The following PPARGC1A variants were observed in gnomAD, a reference collection of about 807,000 sequenced individuals.
The protein encoded by PPARGC1A is PPARG coactivator 1 alpha, also known as peroxisome proliferator-activated receptor gamma coactivator 1-alpha.
Under a neutral mutation model 88.7 loss-of-function variants are expected in PPARGC1A, and 25 were observed. The observed-to-expected ratio is 0.28, with a 90% CI of 0.21 to 0.39. The LOEUF is 0.39. Among genes scored for constraint, PPARGC1A ranks in the 10% least tolerant of loss-of-function variants. PPARGC1A has a pLI of 1.00. For missense variants in PPARGC1A, 880 were observed against 968.7 expected (o/e 0.91, Z 1.22); for synonymous variants, 363 against 355.6 (o/e 1.02, Z -0.24).
the PPARGC1A span, among the ~76,000 whole-genome samples, chr4:24,398,272 C>G: frequency 1.2e-4 from 18 of 152,092 alleles, no homozygotes; most frequent in African/African-American, 4.1e-4. Context: ...CACAGAAATA[C>G]TTTATATGTA....
chr4:24,260,704 C>T, the PPARGC1A span, among the ~76,000 whole-genome samples: 2 of 151,840 alleles, frequency 1.3e-5, no homozygotes, highest in Non-Finnish European at 1.5e-5. Flanking sequence ...TGGTTCCTCA[C>T]CCCCTACAAC....
chr4:24,252,625 A>G, the PPARGC1A span, among the ~76,000 whole-genome samples: 295 of 152,300 alleles, frequency 1.9e-3, 2 homozygotes, highest in African/African-American at 6.8e-3. Context: ...AGCTATTCCA[A>G]TGGAATATGA....
chr4:23,913,267 T>TATATAGAG, the PPARGC1A span, among the ~76,000 whole-genome samples: 2 of 77,532 alleles, frequency 2.6e-5, no homozygotes, highest in African/African-American at 1.1e-4. Flanking sequence ...TATATATATA[T>TATATAGAG]AGAGAGAGAG....
At chr4:24,456,446 G>A in the PPARGC1A span, among the ~76,000 whole-genome samples, 3 of 152,130 alleles carry the variant, frequency 2.0e-5, no homozygotes, top group Non-Finnish European at 2.9e-5. Flanking sequence ...AACAGTGAGT[G>A]AGCTTGATAT....
chr4:24,444,230 G>A, the PPARGC1A span, among the ~76,000 whole-genome samples: 18 of 151,798 alleles, frequency 1.2e-4, no homozygotes, highest in African/African-American at 3.9e-4. Flanking sequence ...ACAGGGTTTC[G>A]CCACATTGGC....
At chr4:24,450,087 C>G in the PPARGC1A span, among the ~76,000 whole-genome samples, 1 of 152,178 alleles carries the variant, frequency 6.6e-6, no homozygotes, top group Non-Finnish European at 1.5e-5. Flanking sequence ...TTGAAACTTA[C>G]CCCATCACCA....
At chr4:23,927,388 T>C in the PPARGC1A span, among the ~76,000 whole-genome samples, 1 of 152,180 alleles carries the variant, frequency 6.6e-6, no homozygotes, top group Non-Finnish European at 1.5e-5. Flanking sequence ...GCCAGTAAAA[T>C]AAAAGCCTCC....
At chr4:24,098,780 C>A in the PPARGC1A span, among the ~76,000 whole-genome samples, 1 of 152,292 alleles carries the variant, frequency 6.6e-6, no homozygotes, top group African/African-American at 2.4e-5. Context: ...TAATGGAAAT[C>A]AGATGACTTC....
the PPARGC1A span, among the ~76,000 whole-genome samples, chr4:24,472,641 G>C: frequency 4.6e-5 from 7 of 152,138 alleles, no homozygotes; most frequent in Non-Finnish European, 1.5e-5. This position sits in a 1 kb window ranked among gnomAD's most constrained non-coding sequence, Gnocchi z 4.5. Flanking sequence ...CTCCCTCTCC[G>C]GGAGAGGAGG....
At chr4:24,263,313 G>A in the PPARGC1A span, among the ~76,000 whole-genome samples, 15 of 152,264 alleles carry the variant, frequency 9.9e-5, no homozygotes, top group African/African-American at 3.6e-4. Flanking sequence ...GAAGAGATGC[G>A]AGAGTGCATG....
chr4:24,138,351 TA>T, the PPARGC1A span, among the ~76,000 whole-genome samples: 1 of 152,174 alleles, frequency 6.6e-6, no homozygotes, highest in Non-Finnish European at 1.5e-5. Flanking sequence ...TTGGCAGTTT[TA>T]AGAGCCAGAA....
the PPARGC1A span, among the ~76,000 whole-genome samples, chr4:23,917,358 T>A: frequency 6.7e-6 from 1 of 148,378 alleles, no homozygotes; most frequent in Non-Finnish European, 1.5e-5. Flanking sequence ...CATACTCTTT[T>A]CTGTGTTTTC....
chr4:23,845,937 C>T (rs968768643), intron 2 of PPARGC1A, among the ~76,000 whole-genome samples: 7 of 152,228 alleles, frequency 4.6e-5, no homozygotes, highest in Non-Finnish European at 8.8e-5. Context: ...GAATCAATTC[C>T]AAATGCAGAC....
At chr4:24,377,481 C>G in the PPARGC1A span, among the ~76,000 whole-genome samples, 7 of 152,214 alleles carry the variant, frequency 4.6e-5, no homozygotes, top group South Asian at 6.2e-4. Context: ...TTCCTGGACT[C>G]CAACTACGGT....
the PPARGC1A span, among the ~76,000 whole-genome samples, chr4:24,016,726 A>C: frequency 6.6e-6 from 1 of 152,316 alleles, no homozygotes; most frequent in South Asian, 2.1e-4. Context: ...AATTGAGATA[A>C]AATTTGTTTA....
chr4:24,319,162 A>G, the PPARGC1A span, among the ~76,000 whole-genome samples: 2 of 152,144 alleles, frequency 1.3e-5, no homozygotes, highest in Non-Finnish European at 2.9e-5. Context: ...CCTGGGCACC[A>G]TAGCAAGACC....
At chr4:24,259,314 C>T in the PPARGC1A span, among the ~76,000 whole-genome samples, 2 of 152,156 alleles carry the variant, frequency 1.3e-5, no homozygotes, top group Non-Finnish European at 2.9e-5. Context: ...TCCTCAAATA[C>T]GCAAGCACAT....
chr4:23,895,310 A>G (rs1718415895), intron 1 of PPARGC1A, among the ~76,000 whole-genome samples: 1 of 151,428 alleles, frequency 6.6e-6, no homozygotes, highest in African/African-American at 2.4e-5. Context: ...ATAAATATAT[A>G]TATTTTTTTC....
chr4:23,892,480 G>T, upstream of PPARGC1A, among the ~76,000 whole-genome samples: 1 of 151,272 alleles, frequency 6.6e-6, no homozygotes. Context: ...TAATGAGAGG[G>T]ATGTTTTAGA....
Sources: allele counts gnomAD v4.1 joint callset (sites outside exome capture counted in the v4.1 genomes callset), GRCh38; gene constraint gnomAD v4.1.1; non-coding constraint Gnocchi (gnomAD v3.1); transcripts MANE v1.5; gene names NCBI Gene and HGNC (gene_info 2026-07-23, HGNC 2026-07-21).